Variants in NOMO1 observed in about 807,000 individuals in gnomAD.
The protein encoded by NOMO1 is nodal modulator 3.
In NOMO1, 40 loss-of-function variants were observed where a neutral mutation model predicts 133.8. The observed-to-expected ratio is 0.30, with a 90% confidence interval of 0.23 to 0.39. The LOEUF is 0.39. NOMO1 is among the 10% of genes least tolerant of loss of function. The probability of loss-of-function intolerance (pLI) is 1.00; values close to 1 mark genes in which losing one functional copy is unlikely to be tolerated. For synonymous variants in NOMO1, 236 were observed against 570.5 expected (o/e 0.41, Z 8.36); for missense variants, 462 against 1,419.9 (o/e 0.33, Z 10.84).
intron 20 of NOMO1, among the ~76,000 whole-genome samples, 168 bp from the exon 21 acceptor site, chr16:14,876,191 G>A (rs1964157582): frequency 7.2e-6 from 1 of 139,232 alleles, no homozygotes; most frequent in Admixed American, 7.6e-5. Context: ...GATGGAAAGA[G>A]GCTTGGGCTG....
At chr16:14,885,739 C>T (rs530125346) in intron 27 of NOMO1, among the ~76,000 whole-genome samples, 4 of 151,814 alleles carry the variant, frequency 2.6e-5, no homozygotes, top group South Asian at 2.1e-4. Flanking sequence ...GAGGGGAGGG[C>T]GCCACTCTCT....
rs752326136 is a variant in NOMO1 at position 14,846,642 on chromosome 16, C to T, written c.468C>T (p.Thr156=). Residue 156 remains threonine (T), a synonymous_variant, in exon 5 of 31, where the codon ACC becomes ACT. Coordinates refer to ENST00000287667, the MANE Select transcript of NOMO1 (RefSeq NM_014287.4). Reference sequence around the variant, plus strand: ...AGGTGTCTCTGAGAAACACTGGGACCGAAGCAAAGATCCAGTCCACAGTTA... The same window carrying T: ...AGGTGTCTCTGAGAAACACTGGGACTGAAGCAAAGATCCAGTCCACAGTTA... The part of the protein sequence containing the change: ...GVQVSLRNTG[T]EAKIQSTVTQ... The T allele has an allele frequency of 9.7e-5, 132 of 1,363,422 alleles. No individual in the cohort carries two copies. The highest frequency in any genetic ancestry group is 3.6e-4 in the East Asian group (15 of 41,818). The allele number at this position is 1,363,422 out of a possible 1,614,324, so 84.5% of individuals were successfully genotyped here. A position where few individuals can be genotyped will look rare whatever the true frequency, so the allele number is the denominator to read the frequency against.
At position 14,868,556 on chromosome 16, in the gene NOMO1, T is replaced by A. The variant is rs773442648; in HGVS notation, c.1815T>A (p.Tyr605Ter). The change falls in exon 16 of 31, where the codon TAT becomes TAA. Residue 605 changes from tyrosine to a stop codon, truncating the protein, a stop_gained. Coordinates refer to ENST00000287667, the MANE Select transcript of NOMO1 (RefSeq NM_014287.4). LOFTEE classifies it high-confidence loss of function. ...TGGCTTTGCTTCCTTAGGAATTTTA[T>A]CAGGATGGAAATGGGCGTGAGAATG... ...SLSHAITLEFYQDGNGRENVG... is the reference protein window; with the variant it reads ...SLSHAITLEF 8.1e-6 allele frequency: 13 copies of A among 1,611,744 alleles called. No individual in the cohort carries two copies. Among genetic ancestry groups the A allele is most frequent in the Non-Finnish European group, 1.1e-5 (13 of 1,179,728 alleles).
intron 23 of NOMO1, among the ~76,000 whole-genome samples, chr16:14,879,149 A>T (rs1964206486): frequency 2.0e-5 from 3 of 151,926 alleles, no homozygotes; most frequent in African/African-American, 7.3e-5. Context: ...CATGCTTATG[A>T]TGCTGAGTCT....
chr16:14,892,528 G>A (rs1275311974), intron 29 of NOMO1, among the ~76,000 whole-genome samples: 1 of 150,982 alleles, frequency 6.6e-6, no homozygotes, highest in Admixed American at 6.6e-5. Context: ...CTGTGCCCTG[G>A]TGTGTGATGT....
At chr16:14,884,295 T>G in intron 26 of NOMO1, 77 bp from the exon 27 acceptor site, 1 of 1,467,078 alleles carries the variant, frequency 6.8e-7, no homozygotes, top group Non-Finnish European at 9.4e-7. Context: ...GAAGCAGCTC[T>G]CAGGCCATCG....
rs562542480 is a variant in NOMO1 at position 14,851,345 on chromosome 16, G to A, written c.583-1085G>A. Among the ~76,000 whole-genome samples, 6 of 152,078 alleles carry A rather than the reference G, an allele frequency of 3.9e-5. No homozygotes were observed. In the South Asian group the frequency reaches 1.2e-3, roughly 32 times the overall value. Reference sequence around the variant, plus strand: ...CTGTTGGGTAACCAGTACCCAATTTGTGACAAGCCCTGTGCTGTGTGCTTA... The same window carrying A: ...CTGTTGGGTAACCAGTACCCAATTTATGACAAGCCCTGTGCTGTGTGCTTA... On this transcript the variant is annotated intron_variant, in intron 6 of 30. Transcript: ENST00000287667.
At chr16:14,889,631 G>A (rs1300517141) in intron 29 of NOMO1, among the ~76,000 whole-genome samples, 1 of 151,842 alleles carries the variant, frequency 6.6e-6, no homozygotes, top group Non-Finnish European at 1.5e-5. Context: ...AGGTTGCAGG[G>A]CAGATATTTA....
chr16:14,879,997 G>A lies in NOMO1; in HGVS notation c.2758-18G>A, dbSNP rs1367536719. The A allele has an allele frequency of 6.2e-7, 1 of 1,611,630 alleles. No individual in the cohort carries two copies. The highest frequency in any genetic ancestry group is 8.5e-7 in the Non-Finnish European group (1 of 1,179,812). Reference sequence around the variant, plus strand: ...GCCTAGATGTGGCTGCTGAGGCTCAGTGTGATTATCTTGGTAGAGCCCTGG... The same window carrying A: ...GCCTAGATGTGGCTGCTGAGGCTCAATGTGATTATCTTGGTAGAGCCCTGG... On this transcript the variant is annotated intron_variant, in intron 23 of 30. Coordinates refer to ENST00000287667, the MANE Select transcript of NOMO1 (RefSeq NM_014287.4).
Position 14,876,404 on chromosome 16 carries a change from T to G in NOMO1, c.2402T>G (p.Leu801Arg). 2 of 1,611,320 alleles carry G rather than the reference T, an allele frequency of 1.2e-6. No individual in the cohort carries two copies. Among genetic ancestry groups the G allele is most frequent in the Non-Finnish European group, 1.7e-6 (2 of 1,179,752 alleles). The change falls in exon 21 of 31, where the codon CTG (leucine) becomes CGG (arginine). Residue 801 changes from leucine to arginine, a missense_variant. Leu to Arg is a moderately radical substitution (Grantham distance 102, BLOSUM62 -2). Coordinates refer to ENST00000287667, the MANE Select transcript of NOMO1 (RefSeq NM_014287.4). ...ATCGAGATCCATGGGAAGGCAGGCC[T>G]GTTTTTAGAAGGCCAGATCCACCCC... The part of the protein sequence containing the change: ...KLIEIHGKAG[L>R]FLEGQIHPEL...
chr16:14,857,656 G>A lies in NOMO1; in HGVS notation c.1220+1G>A. On this transcript the variant is annotated splice_donor_variant, in intron 11 of 30. Transcript: ENST00000287667. LOFTEE classifies it high-confidence loss of function. The stretch of plus-strand genomic sequence containing the variant: ...AGCTGGCTGACATTATTGCAACAGG[G>A]TAAGCTTATCGTGTGGATTTGGAAG... 6.2e-7 allele frequency: 1 copy of A among 1,613,710 alleles called. No homozygotes were observed. Among genetic ancestry groups the A allele is most frequent in the Non-Finnish European group, 8.5e-7 (1 of 1,179,846 alleles).
At chr16:14,862,026 T>G (rs968583087) in intron 11 of NOMO1, among the ~76,000 whole-genome samples, 30 of 151,644 alleles carry the variant, frequency 2.0e-4, no homozygotes, top group South Asian at 4.2e-4. Context: ...TTCCTAGATT[T>G]CACATACACA....
At chr16:14,862,860 C>G in intron 11 of NOMO1, 153 bp from the exon 12 acceptor site, 1 of 795,902 alleles carries the variant, frequency 1.3e-6, no homozygotes, top group Non-Finnish European at 2.0e-6. Flanking sequence ...TTTTTAAAAC[C>G]AGAATCATCT....
intron 11 of NOMO1, among the ~76,000 whole-genome samples, chr16:14,859,733 C>G (rs1193260286): frequency 6.6e-6 from 1 of 151,998 alleles, no homozygotes; most frequent in African/African-American, 2.4e-5. Context: ...AATAAAATAA[C>G]AAGATTTTAA....
chr16:14,891,516 A>G (rs1964405231), intron 29 of NOMO1, among the ~76,000 whole-genome samples: 1 of 151,260 alleles, frequency 6.6e-6, no homozygotes, highest in African/African-American at 2.4e-5. Flanking sequence ...CAGCTTTTAC[A>G]GGAATTTATT....
chr16:14,881,439 A>T lies in NOMO1; in HGVS notation c.2886-105A>T, dbSNP rs368266884. 3.1e-6 allele frequency: 5 copies of T among 1,610,144 alleles called. No homozygotes were observed. The South Asian group carries it at 5.5e-5, about 18-fold the overall frequency. On this transcript the variant is annotated intron_variant, in intron 24 of 30. Transcript: ENST00000287667. ...TTGCCTGGGTCATTGAGGCACAGTT[A>T]TCCCCTGAACTATTTTGCCCCATAA... is the stretch of plus-strand genomic sequence containing the variant.
At chr16:14,838,640 G>C (rs1963557576) in intron 2 of NOMO1, 144 bp downstream of exon 2, 13 of 753,232 alleles carry the variant, frequency 1.7e-5, no homozygotes, top group Non-Finnish European at 2.6e-5. Context: ...AGCCACATTT[G>C]GAGGGAGACA....
At chr16:14,860,941 G>A (rs1476506696) in intron 11 of NOMO1, among the ~76,000 whole-genome samples, 1 of 148,292 alleles carries the variant, frequency 6.7e-6, no homozygotes, top group African/African-American at 2.5e-5. Flanking sequence ...TGCAGCCTCC[G>A]CCTCTCGGGT....
intron 27 of NOMO1, among the ~76,000 whole-genome samples, 169 bp downstream of exon 27, chr16:14,884,651 C>CCA (rs914762277): frequency 1.3e-5 from 2 of 151,842 alleles, no homozygotes; most frequent in African/African-American, 4.8e-5. Flanking sequence ...GAACCTTGGA[C>CCA]CACAACACGT....
Sources: allele counts gnomAD v4.1 joint callset (sites outside exome capture counted in the v4.1 genomes callset), GRCh38; gene constraint gnomAD v4.1.1; transcripts MANE v1.5; gene names NCBI Gene and HGNC (gene_info 2026-07-23, HGNC 2026-07-21).